SNX29: variants seen among roughly 807,000 people sequenced by gnomAD.
The protein encoded by SNX29 is sorting nexin-29.
In SNX29, 78 loss-of-function variants were observed where a neutral mutation model predicts 102.1. The ratio of observed to expected loss-of-function variants is 0.76; its 90% confidence interval spans 0.64 to 0.92. SNX29 has a LOEUF of 0.92. Ranked by LOEUF, SNX29 falls within the 40% of genes least tolerant of loss-of-function variation. The pLI is 0.00. For synonymous variants in SNX29, 580 were observed against 414.5 expected (o/e 1.40, Z -4.85); for missense variants, 1,280 against 1,061.7 (o/e 1.21, Z -2.86).
At chr16:12,146,913 A>T (rs1197765079) in intron 13 of SNX29, among the ~76,000 whole-genome samples, 1 of 152,208 alleles carries the variant, frequency 6.6e-6, no homozygotes, top group African/African-American at 2.4e-5. Flanking sequence ...GGTTTCCTAG[A>T]TAGTTTTTTA....
At chr16:12,365,968 G>A (rs1184211371) in intron 16 of SNX29, among the ~76,000 whole-genome samples, 1 of 148,602 alleles carries the variant, frequency 6.7e-6, no homozygotes, top group Non-Finnish European at 1.5e-5. Context: ...CATGAACCCG[G>A]GAGGTGGAGG....
rs991150979 is a variant in SNX29 at position 12,568,681 on chromosome 16, C to T, written c.*52C>T. ...CTGTGCGTGGCACCAGCTGCGTCCA[C>T]CCCAGCCACTGCCGCTGGCCCCTCA... is the stretch of plus-strand genomic sequence containing the variant. On this transcript the variant is annotated 3_prime_UTR_variant, in exon 21 of 21. Coordinates refer to ENST00000566228, the MANE Select transcript of SNX29 (RefSeq NM_032167.5). The T allele has an allele frequency of 1.3e-6, 2 of 1,585,172 alleles. No homozygotes were observed. Among genetic ancestry groups the T allele is most frequent in the Non-Finnish European group, 1.7e-6 (2 of 1,171,028 alleles).
intron 20 of SNX29, among the ~76,000 whole-genome samples, chr16:12,559,979 G>A (rs957868933): frequency 7.2e-5 from 11 of 152,042 alleles, no homozygotes; most frequent in South Asian, 2.1e-4. Context: ...ACTCCACCAC[G>A]AAAAAAAGAT....
intron 15 of SNX29, among the ~76,000 whole-genome samples, chr16:12,334,287 A>G (rs754131910): frequency 6.6e-6 from 1 of 152,170 alleles, no homozygotes; most frequent in Non-Finnish European, 1.5e-5. Context: ...TTTCACAGCA[A>G]CTGTTTGTTG....
intron 14 of SNX29, among the ~76,000 whole-genome samples, chr16:12,253,288 G>A (rs1432780117): frequency 6.6e-6 from 1 of 152,164 alleles, no homozygotes; most frequent in Non-Finnish European, 1.5e-5. Flanking sequence ...TGCCTGTCAT[G>A]GGCCAGGTCC....
chr16:12,209,305 T>C (rs2142027118), intron 14 of SNX29, among the ~76,000 whole-genome samples: 1 of 152,328 alleles, frequency 6.6e-6, no homozygotes, highest in South Asian at 2.1e-4. Context: ...TTCTCTTACC[T>C]TAGCCTCCCA....
At chr16:12,428,215 T>C (rs1248888854) in intron 18 of SNX29, among the ~76,000 whole-genome samples, 1 of 152,214 alleles carries the variant, frequency 6.6e-6, no homozygotes, top group Non-Finnish European at 1.5e-5. Flanking sequence ...AAAACAGGGC[T>C]TTAAGCTGCA....
intron 14 of SNX29, among the ~76,000 whole-genome samples, chr16:12,233,156 T>C (rs760508873): frequency 1.3e-5 from 2 of 151,990 alleles, no homozygotes; most frequent in African/African-American, 2.4e-5. Context: ...TCCTCCTTCC[T>C]CCCTCCTCCC....
chr16:12,461,014 G>A (rs1017621108), intron 18 of SNX29, among the ~76,000 whole-genome samples: 9 of 152,210 alleles, frequency 5.9e-5, no homozygotes, highest in South Asian at 2.1e-4. Flanking sequence ...ATATTTAAAT[G>A]TTAAGCAAAG....
At chr16:12,364,938 G>A (rs139312031) in intron 16 of SNX29, among the ~76,000 whole-genome samples, 64 of 152,234 alleles carry the variant, frequency 4.2e-4, no homozygotes, top group Non-Finnish European at 5.9e-4. Flanking sequence ...CCACCCTTTG[G>A]CAGAGCTTTG....
At chr16:12,089,776 T>C in intron 11 of SNX29, 1 of 335,048 alleles carries the variant, frequency 3.0e-6, no homozygotes, top group Non-Finnish European at 5.7e-6. Flanking sequence ...CACTTCCTCT[T>C]GCGAAGAGCA....
intron 16 of SNX29, among the ~76,000 whole-genome samples, chr16:12,392,591 AAC>A (rs2083567525): frequency 6.6e-6 from 1 of 152,314 alleles, no homozygotes; most frequent in East Asian, 1.9e-4. Context: ...TTTTGGGAAA[AAC>A]AAATGTGTCA....
intron 15 of SNX29, among the ~76,000 whole-genome samples, chr16:12,313,041 G>A (rs2080613086): frequency 6.7e-6 from 1 of 149,518 alleles, no homozygotes; most frequent in African/African-American, 2.4e-5. Context: ...TTTAGACGGA[G>A]TATCACTCTG....
At chr16:12,135,855 A>C (rs1266559951) in intron 13 of SNX29, 8 of 337,538 alleles carry the variant, frequency 2.4e-5, no homozygotes, top group Non-Finnish European at 4.5e-5. Context: ...TAGACATGTC[A>C]TCTCAACAAT....
chr16:12,117,642 G>T (rs1043048864), intron 11 of SNX29, among the ~76,000 whole-genome samples: 4 of 152,218 alleles, frequency 2.6e-5, no homozygotes, highest in African/African-American at 4.8e-5. Flanking sequence ...ATTGCTTAAT[G>T]GGTAAGAGGT....
At chr16:12,459,567 G>A (rs1429138689) in intron 18 of SNX29, among the ~76,000 whole-genome samples, 1 of 152,136 alleles carries the variant, frequency 6.6e-6, no homozygotes, top group Non-Finnish European at 1.5e-5. Context: ...TGGACCATGC[G>A]GGATTATGCC....
At chr16:12,025,642 T>C (rs1329559695) in intron 3 of SNX29, among the ~76,000 whole-genome samples, 2 of 152,182 alleles carry the variant, frequency 1.3e-5, no homozygotes, top group African/African-American at 4.8e-5. Flanking sequence ...TTGCCAGTGG[T>C]GGCCTACAAT....
At position 12,568,845 on chromosome 16, in the gene SNX29, G is replaced by C. The variant is rs906250199; in HGVS notation, c.*216G>C. On this transcript the variant is annotated 3_prime_UTR_variant, in exon 21 of 21. Transcript: ENST00000566228. ...GAGAGACCAAGGCAGCACCTCGCTG[G>C]AGAGACTGGGACACACAGTCCTTCT... 1 of 688,540 alleles carries C rather than the reference G, an allele frequency of 1.5e-6. No homozygotes were observed. The highest frequency in any genetic ancestry group is 2.3e-6 in the Non-Finnish European group (1 of 426,832). The allele number at this position is 688,540 out of a possible 1,614,324, so 42.7% of individuals were successfully genotyped here.
rs7206514 is a variant in SNX29, at chr16:12,551,431, C to T, written c.2319-17075C>T. Among the ~76,000 whole-genome samples, 54 of 152,270 alleles carry T rather than the reference C, an allele frequency of 3.5e-4. 1 individual carries two copies. The highest frequency in any genetic ancestry group is 1.1e-3 in the African/African-American group (45 of 41,538). On this transcript the variant is annotated intron_variant, in intron 20 of 20. Transcript: ENST00000566228. ...GGGTCTCAGCCACAGCTTGCACATT[C>T]GATCACCCAGCATGCTTTTAAAAAT...
Sources: allele counts gnomAD v4.1 joint callset (sites outside exome capture counted in the v4.1 genomes callset), GRCh38; gene constraint gnomAD v4.1.1; transcripts MANE v1.5; gene names NCBI Gene and HGNC (gene_info 2026-07-23, HGNC 2026-07-21).